Variants in DLGAP1 observed in about 807,000 individuals in gnomAD.
DLGAP1 encodes the protein DLG associated protein 1.
Under a neutral mutation model 90.8 loss-of-function variants are expected in DLGAP1, and 11 were observed. That is an observed-to-expected ratio of 0.12 (90% CI 0.08 to 0.20). DLGAP1 has a LOEUF of 0.20. Among genes scored for constraint, DLGAP1 ranks in the 10% least tolerant of loss-of-function variants. DLGAP1 has a pLI of 1.00. For synonymous variants in DLGAP1, 558 were observed against 540.7 expected (o/e 1.03, Z -0.44); for missense variants, 1,050 against 1,333.8 (o/e 0.79, Z 3.31).
At chr18:3,915,761 A>G (rs2072128370) in intron 3 of DLGAP1, among the ~76,000 whole-genome samples, 1 of 152,128 alleles carries the variant, frequency 6.6e-6, no homozygotes, top group African/African-American at 2.4e-5. Context: ...GGAGAATGTC[A>G]TCTCTCTGAA....
At chr18:4,434,705 A>G (rs1312605584) in intron 1 of DLGAP1, among the ~76,000 whole-genome samples, 1 of 152,190 alleles carries the variant, frequency 6.6e-6, no homozygotes, top group African/African-American at 2.4e-5. Context: ...CATTGTAAGG[A>G]GTACCCATGA....
At chr18:3,978,576 C>T (rs67305776) in intron 3 of DLGAP1, 9,630 of 231,288 alleles carry the variant, frequency 0.042, 501 homozygotes, top group African/African-American at 0.15. Context: ...AGGTGCCCAA[C>T]ACGACCAAGT....
At chr18:4,209,521 G>A (rs181583618) in intron 1 of DLGAP1, among the ~76,000 whole-genome samples, 2 of 152,160 alleles carry the variant, frequency 1.3e-5, no homozygotes, top group East Asian at 1.9e-4. Context: ...CAGCTATCAC[G>A]CATTTGAGGT....
chr18:4,267,550 A>G (rs1485103365), intron 1 of DLGAP1, among the ~76,000 whole-genome samples: 1 of 152,240 alleles, frequency 6.6e-6, no homozygotes, highest in Non-Finnish European at 1.5e-5. Context: ...CCCAAAGGAA[A>G]TATTCCTGTC....
chr18:3,770,469 G>T (rs4798127), intron 5 of DLGAP1, among the ~76,000 whole-genome samples: 70,925 of 151,932 alleles, frequency 0.47, 18,041 homozygotes, highest in East Asian at 0.72. Context: ...AAGACTGGAG[G>T]TGGCCATAGG....
At chr18:3,918,835 A>G (rs2072204399) in intron 3 of DLGAP1, among the ~76,000 whole-genome samples, 1 of 152,188 alleles carries the variant, frequency 6.6e-6, no homozygotes, top group Admixed American at 6.5e-5. Context: ...GGGCAGATGG[A>G]AGAAATATTG....
chr18:3,794,429 T>TC (rs900933364), intron 5 of DLGAP1, among the ~76,000 whole-genome samples: 37 of 106,356 alleles, frequency 3.5e-4, no homozygotes, highest in African/African-American at 1.3e-3. Flanking sequence ...ACTCTCCGTG[T>TC]CAAAGTCTTG....
At chr18:3,515,913 A>T (rs1341945734) in intron 10 of DLGAP1, among the ~76,000 whole-genome samples, 3 of 152,154 alleles carry the variant, frequency 2.0e-5, no homozygotes, top group Non-Finnish European at 2.9e-5. Flanking sequence ...CCAAGAGTAG[A>T]TTCCATCTCA....
chr18:3,831,276 A>G (rs565322750), intron 4 of DLGAP1, among the ~76,000 whole-genome samples: 26 of 152,280 alleles, frequency 1.7e-4, no homozygotes, highest in African/African-American at 6.3e-4. Flanking sequence ...AGTCAAACAG[A>G]ATCTGAAGAC....
chr18:4,206,808 C>A (rs995485172), intron 1 of DLGAP1, among the ~76,000 whole-genome samples: 2 of 152,134 alleles, frequency 1.3e-5, no homozygotes, highest in African/African-American at 2.4e-5. Context: ...AGAAAGCCAT[C>A]CCCATTCATT....
chr18:3,663,257 G>A (rs534294371), intron 7 of DLGAP1, among the ~76,000 whole-genome samples: 1 of 151,500 alleles, frequency 6.6e-6, no homozygotes, highest in African/African-American at 2.4e-5. Flanking sequence ...GGCAAGGAGA[G>A]CAAGACTCCC....
chr18:4,286,310 A>C (rs972306083), intron 1 of DLGAP1, among the ~76,000 whole-genome samples: 1 of 152,162 alleles, frequency 6.6e-6, no homozygotes, highest in Non-Finnish European at 1.5e-5. Context: ...AAAGGAAACA[A>C]CACCAGAGGC....
At chr18:3,811,693 C>T (rs1357050318) in intron 5 of DLGAP1, among the ~76,000 whole-genome samples, 1 of 152,202 alleles carries the variant, frequency 6.6e-6, no homozygotes. Flanking sequence ...CTGAAAACTT[C>T]TGAGCAGTAA....
intron 3 of DLGAP1, among the ~76,000 whole-genome samples, chr18:3,945,973 A>C (rs1328725123): frequency 2.0e-5 from 3 of 152,120 alleles, no homozygotes; most frequent in Non-Finnish European, 1.5e-5. Context: ...TACCATTGGA[A>C]CCTCATGTTC....
At chr18:3,844,458 T>C (rs989571428) in intron 4 of DLGAP1, among the ~76,000 whole-genome samples, 15 of 152,182 alleles carry the variant, frequency 9.9e-5, no homozygotes, top group Non-Finnish European at 1.6e-4. Context: ...AAAAGCTATA[T>C]CACAAAAAAG....
chr18:4,041,177 A>C (rs1212662675), intron 2 of DLGAP1, among the ~76,000 whole-genome samples: 1 of 152,198 alleles, frequency 6.6e-6, no homozygotes, highest in African/African-American at 2.4e-5. Context: ...GATATCTAGA[A>C]ATCTGGTTTT....
In DLGAP1 at chr18:3,879,516, T is replaced by C; in HGVS notation, c.553A>G (p.Lys185Glu). ...GCCTTGGGCTCCGCGCGCCGCTCCT[T>C]GCTCTTGCTGCGTTTGCCATAGCGC... ...AARYGKRSKS[K>E]ERRAEPKARP... is the part of the protein sequence containing the mutation. The change falls in exon 4 of 13, where the codon AAG (lysine) becomes GAG (glutamate). Residue 185 changes from lysine to glutamate, a missense_variant. Lys to Glu is a moderately conservative substitution (Grantham distance 56, BLOSUM62 1). This residue lies in a region of DLGAP1 where 485 missense variants were observed against 454.1 expected (regional missense o/e 1.07). Transcript: ENST00000315677. The surrounding 1 kb of genome is among the most constrained non-coding windows in gnomAD (Gnocchi z 6.6). The C allele has an allele frequency of 6.2e-7, 1 of 1,602,474 alleles. No individual in the cohort carries two copies. Among genetic ancestry groups the C allele is most frequent in the Non-Finnish European group, 8.5e-7 (1 of 1,179,370 alleles).
intron 2 of DLGAP1, among the ~76,000 whole-genome samples, chr18:4,135,814 G>C (rs1041182599): frequency 8.2e-6 from 1 of 122,448 alleles, no homozygotes; most frequent in African/African-American, 3.5e-5. Context: ...TTTTACGGCT[G>C]AATAGTATTC....
chr18:4,280,672 A>T (rs966613317), intron 1 of DLGAP1: 6 of 152,230 alleles, frequency 3.9e-5, no homozygotes, highest in Admixed American at 6.5e-5. Flanking sequence ...ACAGTCTGAT[A>T]AAAACAATAT....
Sources: allele counts gnomAD v4.1 joint callset (sites outside exome capture counted in the v4.1 genomes callset), GRCh38; gene constraint gnomAD v4.1.1; regional missense constraint gnomAD v4.1.1; non-coding constraint Gnocchi (gnomAD v3.1); transcripts MANE v1.5; gene names NCBI Gene and HGNC (gene_info 2026-07-23, HGNC 2026-07-21).